Variants in SSBP2 observed in about 807,000 individuals in gnomAD.
SSBP2 encodes the protein single-stranded DNA-binding protein 2.
Under a neutral mutation model 61.8 loss-of-function variants are expected in SSBP2, and 17 were observed. That is an observed-to-expected ratio of 0.28 (90% CI 0.19 to 0.41). SSBP2 has a LOEUF of 0.41. Ranked by LOEUF, SSBP2 falls within the 10% of genes least tolerant of loss-of-function variation. The pLI is 1.00. For synonymous variants in SSBP2, 139 were observed against 141.3 expected, an observed-to-expected ratio of 0.98 and a Z score of 0.12; for missense variants, 310 against 458.7, an observed-to-expected ratio of 0.68 and a Z score of 2.96.
intron 16 of SSBP2, among the ~76,000 whole-genome samples, chr5:81,424,349 A>G (rs1195173748): frequency 1.3e-5 from 2 of 152,198 alleles, no homozygotes; most frequent in Non-Finnish European, 2.9e-5. Context: ...GCTTGAACCC[A>G]GGAGGCGGAG....
At chr5:81,745,797 T>C (rs1217752171) in intron 1 of SSBP2, among the ~76,000 whole-genome samples, 1 of 152,098 alleles carries the variant, frequency 6.6e-6, no homozygotes, top group Non-Finnish European at 1.5e-5. Flanking sequence ...GATTCTAAAT[T>C]TGAATTGTTT....
chr5:81,706,390 C>T (rs564667159), intron 1 of SSBP2, among the ~76,000 whole-genome samples: 1 of 152,226 alleles, frequency 6.6e-6, no homozygotes, highest in African/African-American at 2.4e-5. Flanking sequence ...AAGCTCACTT[C>T]CTGGGTGACA....
chr5:81,717,881 A>G (rs73768110), intron 1 of SSBP2, among the ~76,000 whole-genome samples: 13,876 of 152,140 alleles, frequency 0.091, 2,139 homozygotes, highest in African/African-American at 0.32. Flanking sequence ...CACAAAGCCT[A>G]CCTAAAAGGT....
rs1275752376 is a variant in SSBP2 at position 81,544,194 on chromosome 5, CG to C, written c.283-30478del. On this transcript the variant is annotated intron_variant, in intron 4 of 16. Transcript: ENST00000320672. ...CCTCCTGAGTAGCTGGGACTACAGG[CG>C]ATGCCACCACGCCCGGCTAATTTTT... is the stretch of plus-strand genomic sequence containing the variant. 3.3e-5 allele frequency among the ~76,000 whole-genome samples: 5 copies of C among 152,208 alleles called. No homozygotes were observed. In the South Asian group the frequency reaches 6.2e-4, roughly 19 times the overall value.
At chr5:81,427,770 G>A (rs1485646895) in intron 16 of SSBP2, among the ~76,000 whole-genome samples, 1 of 152,162 alleles carries the variant, frequency 6.6e-6, no homozygotes, top group Admixed American at 6.5e-5. Context: ...TCTTAGCAGA[G>A]AATGTACACC....
chr5:81,454,716 A>AAG (rs763968154), intron 10 of SSBP2, among the ~76,000 whole-genome samples: 7 of 151,794 alleles, frequency 4.6e-5, no homozygotes, highest in African/African-American at 4.8e-5. Flanking sequence ...AAAAATAAAA[A>AAG]AGAGAGAGAG....
At chr5:81,473,116 A>G (rs1765358602) in intron 8 of SSBP2, among the ~76,000 whole-genome samples, 1 of 152,240 alleles carries the variant, frequency 6.6e-6, no homozygotes, top group Admixed American at 6.5e-5. Context: ...CAACTATGTT[A>G]CATGAAGTCT....
intron 4 of SSBP2, 119 bp downstream of exon 4, chr5:81,615,354 A>T: frequency 1.3e-6 from 1 of 760,548 alleles, no homozygotes; most frequent in Non-Finnish European, 2.3e-6. Flanking sequence ...AAGAAAAAAG[A>T]GACCAAACAA....
chr5:81,617,925 C>G (rs2153614261), intron 3 of SSBP2, among the ~76,000 whole-genome samples: 1 of 136,778 alleles, frequency 7.3e-6, no homozygotes, highest in South Asian at 2.3e-4. Context: ...CACCACCAGG[C>G]CTGCCCTAAA....
chr5:81,473,804 G>C, intron 7 of SSBP2, 34 bp from the exon 8 acceptor site: 1 of 1,589,086 alleles, frequency 6.3e-7, no homozygotes, highest in Non-Finnish European at 8.6e-7. Flanking sequence ...GCAAAGTAAT[G>C]AGCATGAGTA....
At chr5:81,600,594 G>T (rs978443335) in intron 4 of SSBP2, among the ~76,000 whole-genome samples, 1 of 136,688 alleles carries the variant, frequency 7.3e-6, no homozygotes, top group Non-Finnish European at 1.6e-5. Context: ...AAACCAGAAA[G>T]AAAAGAAAAT....
intron 2 of SSBP2, among the ~76,000 whole-genome samples, chr5:81,643,777 A>G (rs1218347048): frequency 6.6e-6 from 1 of 151,362 alleles, no homozygotes; most frequent in East Asian, 1.9e-4. Context: ...TAATTTTCGT[A>G]TTTTTAGTAG....
At chr5:81,724,005 G>C (rs1343917646) in intron 1 of SSBP2, among the ~76,000 whole-genome samples, 1 of 151,964 alleles carries the variant, frequency 6.6e-6, no homozygotes, top group African/African-American at 2.4e-5. Context: ...TAACTCTGCT[G>C]CTCTCTTCTG....
At chr5:81,625,463 C>G (rs1296960227) in intron 3 of SSBP2, among the ~76,000 whole-genome samples, 1 of 152,084 alleles carries the variant, frequency 6.6e-6, no homozygotes, top group Non-Finnish European at 1.5e-5. Context: ...ATGGGTTCAT[C>G]ATCATGAATA....
At chr5:81,711,503 G>A (rs549784022) in intron 1 of SSBP2, among the ~76,000 whole-genome samples, 1 of 152,200 alleles carries the variant, frequency 6.6e-6, no homozygotes, top group South Asian at 2.1e-4. Context: ...TTCAATAGGA[G>A]AGAATTATCA....
intron 3 of SSBP2, among the ~76,000 whole-genome samples, chr5:81,630,886 C>A (rs904661013): frequency 6.6e-5 from 10 of 151,270 alleles, no homozygotes; most frequent in Non-Finnish European, 1.2e-4. Context: ...GTGTAAGAAA[C>A]AAAATTAATG....
intron 1 of SSBP2, among the ~76,000 whole-genome samples, chr5:81,686,065 A>C (rs1257679756): frequency 6.6e-6 from 1 of 152,196 alleles, no homozygotes; most frequent in Non-Finnish European, 1.5e-5. Context: ...ACTTCAACAA[A>C]AGAAGAAATC....
At chr5:81,433,022 G>A (rs1277914244) in intron 15 of SSBP2, among the ~76,000 whole-genome samples, 2 of 151,432 alleles carry the variant, frequency 1.3e-5, no homozygotes, top group African/African-American at 2.4e-5. Flanking sequence ...CGCCCCTTCC[G>A]GGAGGTGAGG....
chr5:81,744,414 C>A (rs1434582978), intron 1 of SSBP2, among the ~76,000 whole-genome samples: 1 of 152,010 alleles, frequency 6.6e-6, no homozygotes. Flanking sequence ...CAGGTAAGAG[C>A]CTTTTTCTGT....
Sources: gnomAD v4.1 joint callset for allele counts (sites outside exome capture counted in the v4.1 genomes callset) on GRCh38, gnomAD v4.1.1 for gene constraint, MANE v1.5 for transcripts, NCBI Gene and HGNC (gene_info 2026-07-23, HGNC 2026-07-21) for gene names.